The following TG variants were observed in gnomAD, a reference collection of about 807,000 sequenced individuals.
TG encodes the protein thyroid hormones.
A neutral mutation model predicts 324.7 loss-of-function variants in TG; 270 were observed. The ratio of observed to expected loss-of-function variants is 0.83; its 90% CI spans 0.75 to 0.92. The LOEUF is 0.92. Ranked by LOEUF, TG falls within the 40% of genes least tolerant of loss-of-function variation. The probability of loss-of-function intolerance (pLI) is 0.00; values close to 1 mark genes in which losing one functional copy is unlikely to be tolerated. For synonymous variants in TG, 1,401 were observed against 1,327.0 expected (o/e 1.06, Z -1.21); for missense variants, 3,591 against 3,456.4 (o/e 1.04, Z -0.98).
intron 41 of TG, among the ~76,000 whole-genome samples, chr8:133,093,349 G>T (rs1329736078): frequency 6.6e-6 from 1 of 150,550 alleles, no homozygotes; most frequent in Non-Finnish European, 1.5e-5. Flanking sequence ...TGGGAGTTAG[G>T]ATTCTTCTCT....
In TG at chr8:132,906,768, G is replaced by A. The variant is rs147622623; in HGVS notation, c.3715G>A (p.Gly1239Ser). Residue 1239 changes from glycine to serine, a missense_variant, in exon 17 of 48, where the codon GGC (glycine) becomes AGC (serine). Coordinates refer to ENST00000220616, the MANE Select transcript of TG (RefSeq NM_003235.5). ...ILCETISGPT[G>S]SAMQQCQLLC... is the part of the protein sequence containing the mutation. ...GTGTGAGACAATCTCGGGCCCCACAGGCTCTGCCATGCAGCAGTGCCAATT... is the reference window on the plus strand; with the variant it reads ...GTGTGAGACAATCTCGGGCCCCACAAGCTCTGCCATGCAGCAGTGCCAATT... 1.9e-6 allele frequency: 3 copies of A among 1,614,218 alleles called. No homozygotes were observed. The highest frequency in any genetic ancestry group is 2.5e-6 in the Non-Finnish European group (3 of 1,180,046).
chr8:133,118,182 G>A (rs10096431), intron 45 of TG, among the ~76,000 whole-genome samples: 33,997 of 151,844 alleles, frequency 0.22, 4,237 homozygotes, highest in South Asian at 0.29. Flanking sequence ...TAATTGACAT[G>A]GCCAGTGATT....
intron 26 of TG, among the ~76,000 whole-genome samples, chr8:132,942,774 G>A (rs1824639704): frequency 6.6e-6 from 1 of 152,210 alleles, no homozygotes; most frequent in African/African-American, 2.4e-5. Context: ...TGTGAAGGAA[G>A]AGGATAACAA....
intron 5 of TG, among the ~76,000 whole-genome samples, chr8:132,879,523 T>C (rs578033803): frequency 6.6e-6 from 1 of 152,380 alleles, no homozygotes; most frequent in South Asian, 2.1e-4. Flanking sequence ...GTGATTATTT[T>C]ATGAATAGTA....
At chr8:133,031,688 C>CGCAGCA (rs1348908196) in intron 41 of TG, among the ~76,000 whole-genome samples, 12 of 152,174 alleles carry the variant, frequency 7.9e-5, no homozygotes, top group Admixed American at 1.3e-4. Flanking sequence ...GCAACTGATG[C>CGCAGCA]TAGGTCAGCA....
At chr8:133,097,925 T>C (rs1024587004) in intron 43 of TG, among the ~76,000 whole-genome samples, 10 of 152,178 alleles carry the variant, frequency 6.6e-5, no homozygotes, top group African/African-American at 2.4e-4. Flanking sequence ...TGAGCAGCGA[T>C]AGAGTTCTCT....
intron 2 of TG, 136 bp downstream of exon 2, chr8:132,868,359 G>GAT: frequency 1.2e-6 from 1 of 824,614 alleles, no homozygotes; most frequent in East Asian, 2.7e-5. Context: ...ATTTGGAGGT[G>GAT]CCTGCCTTTC....
rs200142762 is a variant in TG, at chr8:133,076,014, G to T, written c.7240-19030G>T. On this transcript the variant is annotated intron_variant, in intron 41 of 47. Coordinates refer to ENST00000220616, the MANE Select transcript of TG (RefSeq NM_003235.5). ...TATAAAATCTCCCTACTTACAGTACGTGAGTCTCAAGCAGAGAAACTCAGG... is the reference window on the plus strand; with the variant it reads ...TATAAAATCTCCCTACTTACAGTACTTGAGTCTCAAGCAGAGAAACTCAGG... 22 of 152,208 alleles carry T rather than the reference G, an allele frequency of 1.4e-4. No homozygotes were observed. In the East Asian group the frequency reaches 2.9e-3, roughly 20 times the overall value. The allele number at this position is 152,208 out of a possible 1,614,324, so 9.4% of individuals were successfully genotyped here.
intron 19 of TG, among the ~76,000 whole-genome samples, chr8:132,912,290 A>C (rs991213381): frequency 6.6e-6 from 1 of 152,192 alleles, no homozygotes; most frequent in East Asian, 1.9e-4. Flanking sequence ...GTCCCCTTCC[A>C]TCTTTCTCCA....
chr8:132,882,627 G>T lies in TG; in HGVS notation c.889+15G>T, dbSNP rs772503967. On this transcript the variant is annotated intron_variant, in intron 7 of 47. Transcript: ENST00000220616. ...CAGATTCCGATGTAAGTAATAAACT[G>T]CCAACAATGTGCGTGTTTCCATTAG... 2 of 1,614,192 alleles carry T rather than the reference G, an allele frequency of 1.2e-6. No individual in the cohort carries two copies. Among genetic ancestry groups the T allele is most frequent in the South Asian group, 2.2e-5 (2 of 91,084 alleles).
In TG at chr8:132,964,675, A is replaced by G. The variant is rs369556956; in HGVS notation, c.5548+1601A>G. 2.0e-4 allele frequency: 109 copies of G among 557,346 alleles called. 1 individual carries two copies. The South Asian group carries it at 2.4e-3, about 12-fold the overall frequency. The allele number at this position is 557,346 out of a possible 1,614,324, so 34.5% of individuals were successfully genotyped here. On this transcript the variant is annotated intron_variant, in intron 29 of 47. Transcript: ENST00000220616. ...TGGCTTAATCTAATACGGCACGTAA[A>G]CCAGGTATAAGATGAAGTGGCTACA...
At chr8:133,121,875 G>C (rs1851166523) in intron 45 of TG, among the ~76,000 whole-genome samples, 1 of 152,150 alleles carries the variant, frequency 6.6e-6, no homozygotes, top group Non-Finnish European at 1.5e-5. Context: ...CTATGTAGCA[G>C]ATAATTGAAT....
At chr8:133,050,958 T>C in intron 41 of TG, 1 of 1,158,178 alleles carries the variant, frequency 8.6e-7, no homozygotes, top group Non-Finnish European at 1.3e-6. Flanking sequence ...AGGTGCTTTT[T>C]ATTCACAAGG....
intron 35 of TG, among the ~76,000 whole-genome samples, chr8:133,000,854 C>T (rs1833408033): frequency 6.6e-6 from 1 of 152,154 alleles, no homozygotes; most frequent in Non-Finnish European, 1.5e-5. Flanking sequence ...CTGCAGCTGC[C>T]ATAACAAAGT....
chr8:133,001,526 C>T lies in TG; in HGVS notation c.6263-10375C>T, dbSNP rs542311385. The stretch of plus-strand genomic sequence containing the variant: ...ACAAGGATGTCTTTATTTGGTCTTC[C>T]TTCCTTCTGTTATCAAAGGAACATC... On this transcript the variant is annotated intron_variant, in intron 35 of 47. Transcript: ENST00000220616. Among the ~76,000 whole-genome samples, 6 of 152,316 alleles carry T rather than the reference C, an allele frequency of 3.9e-5. No individual in the cohort carries two copies. The East Asian group carries it at 9.6e-4, about 24-fold the overall frequency.
intron 24 of TG, among the ~76,000 whole-genome samples, chr8:132,934,756 C>G (rs932937641): frequency 6.6e-6 from 1 of 152,150 alleles, no homozygotes; most frequent in Non-Finnish European, 1.5e-5. Flanking sequence ...GGCAGCCTTG[C>G]GGGGGAAGGC....
chr8:132,939,195 C>G (rs962951401), intron 25 of TG, among the ~76,000 whole-genome samples: 1 of 152,138 alleles, frequency 6.6e-6, no homozygotes, highest in Non-Finnish European at 1.5e-5. Flanking sequence ...TGGAAACGGT[C>G]TACAAATCTG....
intron 45 of TG, among the ~76,000 whole-genome samples, chr8:133,120,774 C>T (rs1167813058): frequency 6.6e-6 from 1 of 152,154 alleles, no homozygotes; most frequent in East Asian, 1.9e-4. Flanking sequence ...GTAAGGACCC[C>T]AACATATCTT....
In TG at chr8:132,868,183, G is replaced by A. The variant is rs1192657763; in HGVS notation, c.136G>A (p.Ala46Thr). ...LQRETAFLKQ[A>T]DYVPQCAEDG... is the part of the protein sequence containing the mutation. The stretch of plus-strand genomic sequence containing the variant: ...GAGGGAAACGGCCTTTCTGAAGCAA[G>A]CAGACTACGTGCCCCAGTGTGCAGA... The change falls in exon 2 of 48, where the codon GCA (alanine) becomes ACA (threonine). Residue 46 changes from alanine (A) to threonine (T), a missense_variant. Ala to Thr is a moderately conservative substitution (Grantham distance 58, BLOSUM62 0). Transcript: ENST00000220616. 4 of 1,614,148 alleles carry A rather than the reference G, an allele frequency of 2.5e-6. No individual in the cohort carries two copies. The highest frequency in any genetic ancestry group is 1.3e-5 in the African/African-American group (1 of 75,024).
Sources: gnomAD v4.1 joint callset for allele counts (sites outside exome capture counted in the v4.1 genomes callset) on GRCh38, gnomAD v4.1.1 for gene constraint, MANE v1.5 for transcripts, NCBI Gene and HGNC (gene_info 2026-07-23, HGNC 2026-07-21) for gene names.